Variants in PRKCB observed in about 807,000 individuals in gnomAD.
PRKCB encodes the protein protein kinase C beta type.
In PRKCB, 13 loss-of-function variants were observed where a neutral mutation model predicts 81.5. That is an observed-to-expected ratio of 0.16 (90% CI 0.10 to 0.25). The LOEUF (loss-of-function observed/expected upper bound fraction) is 0.25. PRKCB is among the 10% of genes least tolerant of loss of function. The pLI is 1.00. For missense variants in PRKCB, 509 were observed against 875.7 expected, an observed-to-expected ratio of 0.58 and a Z score of 5.29; for synonymous variants, 335 against 321.4, an observed-to-expected ratio of 1.04 and a Z score of -0.45.
At chr16:24,174,270 C>T in intron 11 of PRKCB, 1 of 437,286 alleles carries the variant, frequency 2.3e-6, no homozygotes, top group East Asian at 3.5e-5. Flanking sequence ...TATCCCATGT[C>T]CCCTTCTCCA....
intron 16 of PRKCB, 115 bp downstream of exon 16, chr16:24,191,345 A>G: frequency 2.6e-6 from 3 of 1,145,286 alleles, no homozygotes; most frequent in Non-Finnish European, 3.7e-6. Context: ...CTACTGGAAC[A>G]TGGGTGTATG....
intron 2 of PRKCB, among the ~76,000 whole-genome samples, chr16:23,917,750 C>A (rs1016891906): frequency 6.6e-6 from 1 of 152,180 alleles, no homozygotes; most frequent in Non-Finnish European, 1.5e-5. Flanking sequence ...AAGGTTTCAT[C>A]GCAGGCCCAG....
intron 5 of PRKCB, among the ~76,000 whole-genome samples, chr16:24,090,587 A>G (rs892687448): frequency 6.6e-6 from 1 of 152,190 alleles, no homozygotes; most frequent in Non-Finnish European, 1.5e-5. Context: ...TTGAATCTGG[A>G]TATGAATGGA....
At chr16:24,180,954 C>A (rs1289452814) in intron 13 of PRKCB, 26 bp downstream of exon 13, 1 of 1,611,206 alleles carries the variant, frequency 6.2e-7, no homozygotes, top group African/African-American at 1.3e-5. Flanking sequence ...CACACGTTCA[C>A]ATTGCGGTGA....
chr16:24,059,503 A>T (rs535486022), intron 5 of PRKCB, among the ~76,000 whole-genome samples: 201 of 147,576 alleles, frequency 1.4e-3, no homozygotes, highest in Middle Eastern at 3.5e-3. Flanking sequence ...ACAAAAAAAA[A>T]TTTTTTTTTT....
chr16:24,214,903 T>C lies in PRKCB; in HGVS notation c.*87T>C. On this transcript the variant is annotated 3_prime_UTR_variant, in exon 17 of 17. Transcript: ENST00000643927. ...CATTTTTATGTTTTTCATTGCCAAG[T>C]TGCATCCATGTTTGATTTTCTGATG... 2 of 1,559,958 alleles carry C rather than the reference T, an allele frequency of 1.3e-6. No individual in the cohort carries two copies. Among genetic ancestry groups the C allele is most frequent in the Non-Finnish European group, 1.7e-6 (2 of 1,155,562 alleles).
intron 2 of PRKCB, among the ~76,000 whole-genome samples, chr16:23,883,363 G>C (rs1251778001): frequency 6.6e-6 from 1 of 152,136 alleles, no homozygotes; most frequent in Admixed American, 6.5e-5. Flanking sequence ...ATGAGCAATG[G>C]AAAGGTCTTG....
intron 2 of PRKCB, among the ~76,000 whole-genome samples, chr16:23,926,074 A>C (rs1393209670): frequency 6.6e-6 from 1 of 151,982 alleles, no homozygotes; most frequent in East Asian, 1.9e-4. Context: ...CAGGAGTTTG[A>C]AACCAGCCTG....
At chr16:24,200,135 C>T (rs560536499) in intron 16 of PRKCB, among the ~76,000 whole-genome samples, 17 of 152,274 alleles carry the variant, frequency 1.1e-4, no homozygotes, top group African/African-American at 3.4e-4. Flanking sequence ...CTGACAAAGA[C>T]GGCATGCATT....
chr16:23,867,050 T>TTCCTTCCTTCCTTC (rs1567295181), intron 2 of PRKCB, among the ~76,000 whole-genome samples: 1 of 56,142 alleles, frequency 1.8e-5, no homozygotes, highest in African/African-American at 7.0e-5. Context: ...CCTTCCTTCC[T>TTCCTTCCTTCCTTC]TCTCTCTCTC....
At chr16:23,981,899 C>CTTT (rs1964724100) in intron 2 of PRKCB, among the ~76,000 whole-genome samples, 1 of 58,306 alleles carries the variant, frequency 1.7e-5, no homozygotes, top group African/African-American at 7.1e-5. Flanking sequence ...CTCCCCTTCC[C>CTTT]CTTCCCTTCC....
intron 9 of PRKCB, among the ~76,000 whole-genome samples, chr16:24,129,932 T>C (rs918910992): frequency 2.2e-4 from 34 of 152,344 alleles, no homozygotes; most frequent in Middle Eastern, 3.4e-3. Flanking sequence ...GATTGCATAA[T>C]GAACATCTAT....
chr16:24,082,051 A>G (rs1437126271), intron 5 of PRKCB, among the ~76,000 whole-genome samples: 3 of 152,220 alleles, frequency 2.0e-5, no homozygotes, highest in Non-Finnish European at 4.4e-5. Context: ...TCAACACACA[A>G]AAATCAATTG....
chr16:23,852,835 A>T (rs1296324185), intron 2 of PRKCB, among the ~76,000 whole-genome samples: 4 of 152,072 alleles, frequency 2.6e-5, no homozygotes, highest in Admixed American at 2.0e-4. Context: ...CTGTTATGCA[A>T]CTCCATTGAC....
At chr16:23,985,080 GTT>G (rs1964785373) in intron 2 of PRKCB, among the ~76,000 whole-genome samples, 1 of 151,990 alleles carries the variant, frequency 6.6e-6, no homozygotes, top group East Asian at 1.9e-4. Context: ...CTTTCCTATT[GTT>G]TTTGTTTGTT....
chr16:24,056,913 C>T (rs1377570089), intron 5 of PRKCB, among the ~76,000 whole-genome samples: 2 of 152,194 alleles, frequency 1.3e-5, no homozygotes, highest in African/African-American at 4.8e-5. Flanking sequence ...ATTTCCATAG[C>T]CTTGCTATTG....
intron 2 of PRKCB, among the ~76,000 whole-genome samples, chr16:23,891,660 G>A (rs1963297284): frequency 6.6e-6 from 1 of 152,150 alleles, no homozygotes; most frequent in Non-Finnish European, 1.5e-5. Context: ...AGAAGGGTGA[G>A]GCTTGAGTGT....
intron 2 of PRKCB, among the ~76,000 whole-genome samples, chr16:23,864,171 C>A (rs1490386126): frequency 6.6e-6 from 1 of 152,136 alleles, no homozygotes; most frequent in Non-Finnish European, 1.5e-5. Flanking sequence ...TGGTCCCTTC[C>A]GAAGTAGAGG....
intron 7 of PRKCB, among the ~76,000 whole-genome samples, chr16:24,094,856 G>GGAAGGAAGGAAGGAAAT (rs1555496392): frequency 1.5e-4 from 21 of 141,152 alleles, no homozygotes; most frequent in African/African-American, 4.1e-4. Context: ...AGGAAGGAAA[G>GGAAGGAAGGAAGGAAAT]GAAGAAAAAG....
Sources: allele counts gnomAD v4.1 joint callset (sites outside exome capture counted in the v4.1 genomes callset), GRCh38; gene constraint gnomAD v4.1.1; transcripts MANE v1.5; gene names NCBI Gene and HGNC (gene_info 2026-07-23, HGNC 2026-07-21).